EYS: variants seen among roughly 807,000 people sequenced by gnomAD.
EYS encodes protein eyes shut homolog.
EYS carries 250 observed loss-of-function variants against 282.1 expected under a neutral mutation model. That is an observed-to-expected ratio of 0.89 (90% CI 0.80 to 0.98). The LOEUF is 0.98. EYS is among the 50% of genes least tolerant of loss of function. The pLI is 0.00. For synonymous variants in EYS, 1,355 were observed against 1,282.9 expected, an observed-to-expected ratio of 1.06 and a Z score of -1.20; for missense variants, 4,016 against 3,709.0, an observed-to-expected ratio of 1.08 and a Z score of -2.15.
chr6:65,365,743 T>A (rs1381271575), intron 8 of EYS, among the ~76,000 whole-genome samples: 1 of 151,646 alleles, frequency 6.6e-6, no homozygotes, highest in African/African-American at 2.4e-5. Context: ...GAAAGACAAG[T>A]GACTAAAGAT....
rs116513943 is a variant in EYS at position 64,935,874 on chromosome 6, A to G, written c.2381+9919T>C. Reference sequence around the variant, plus strand: ...TTACCAGTGACTTTACCAAATGTTTACAGAATAATGAACACCAATCCTTCT... The same window carrying G: ...TTACCAGTGACTTTACCAAATGTTTGCAGAATAATGAACACCAATCCTTCT... On this transcript the variant is annotated intron_variant, in intron 15 of 42. Coordinates refer to ENST00000503581, the MANE Select transcript of EYS (RefSeq NM_001142800.2). Among the ~76,000 whole-genome samples, 166 of 151,874 alleles carry G rather than the reference A, an allele frequency of 1.1e-3. 1 individual carries two copies. Among genetic ancestry groups the G allele is most frequent in the African/African-American group, 3.8e-3 (156 of 41,548 alleles).
At chr6:64,976,213 T>C (rs1048473247) in intron 14 of EYS, among the ~76,000 whole-genome samples, 1 of 152,020 alleles carries the variant, frequency 6.6e-6, no homozygotes, top group African/African-American at 2.4e-5. Flanking sequence ...TCAAATATAT[T>C]CAACAGCCTC....
intron 19 of EYS, among the ~76,000 whole-genome samples, chr6:64,824,582 A>G (rs1764994462): frequency 6.6e-6 from 1 of 151,946 alleles, no homozygotes; most frequent in Non-Finnish European, 1.5e-5. Flanking sequence ...AAGTCTCCGT[A>G]TCACTATGTA....
intron 11 of EYS, among the ~76,000 whole-genome samples, chr6:65,296,739 G>C (rs962010031): frequency 2.0e-5 from 3 of 151,542 alleles, no homozygotes; most frequent in Admixed American, 2.0e-4. Flanking sequence ...TAATGAATTT[G>C]CAAATTTCGA....
At chr6:65,541,412 T>G (rs954598141) in intron 2 of EYS, among the ~76,000 whole-genome samples, 3 of 152,202 alleles carry the variant, frequency 2.0e-5, no homozygotes, top group African/African-American at 7.2e-5. Context: ...GTTGTATTTT[T>G]TTAGAAGATT....
At chr6:64,418,152 A>G (rs1458513662) in intron 28 of EYS, among the ~76,000 whole-genome samples, 1 of 152,120 alleles carries the variant, frequency 6.6e-6, no homozygotes, top group Non-Finnish European at 1.5e-5. Context: ...TATTATCTCC[A>G]ATCCAGGTCT....
intron 30 of EYS, among the ~76,000 whole-genome samples, chr6:64,237,299 C>A (rs1226123553): frequency 6.6e-6 from 1 of 152,184 alleles, no homozygotes; most frequent in Non-Finnish European, 1.5e-5. Flanking sequence ...ACAGGGCAGA[C>A]CAACTGAGTA....
At chr6:64,183,997 T>C (rs1266472490) in intron 31 of EYS, among the ~76,000 whole-genome samples, 1 of 152,162 alleles carries the variant, frequency 6.6e-6, no homozygotes, top group African/African-American at 2.4e-5. Context: ...CCATCTTAGA[T>C]CAGAGCTTTT....
chr6:63,763,901 T>TATATATATATA (rs1562015039), intron 40 of EYS, among the ~76,000 whole-genome samples: 3 of 143,482 alleles, frequency 2.1e-5, no homozygotes, highest in African/African-American at 7.8e-5. Flanking sequence ...TATATATATA[T>TATATATATATA]TTGATAAACT....
chr6:64,731,047 C>G (rs1272730021), intron 22 of EYS: 2 of 152,038 alleles, frequency 1.3e-5, no homozygotes. Context: ...TTTACATGAA[C>G]AAGATAACTA....
At chr6:64,999,537 G>A (rs1302049180) in intron 13 of EYS, among the ~76,000 whole-genome samples, 2 of 152,142 alleles carry the variant, frequency 1.3e-5, no homozygotes, top group Non-Finnish European at 2.9e-5. Context: ...CGTGAGGACG[G>A]CACTCCTGCC....
chr6:64,729,239 T>C (rs1436161416), intron 22 of EYS, among the ~76,000 whole-genome samples: 1 of 152,204 alleles, frequency 6.6e-6, no homozygotes, highest in Admixed American at 6.5e-5. Context: ...CTGCCTCCTA[T>C]CCTTATCACT....
intron 12 of EYS, among the ~76,000 whole-genome samples, chr6:65,289,188 G>C (rs1204507718): frequency 6.6e-6 from 1 of 150,530 alleles, no homozygotes; most frequent in Non-Finnish European, 1.5e-5. Flanking sequence ...ATACAAATAT[G>C]GATTAAAATA....
At chr6:64,740,760 C>G (rs1440916741) in intron 22 of EYS, among the ~76,000 whole-genome samples, 5 of 147,106 alleles carry the variant, frequency 3.4e-5, no homozygotes, top group Admixed American at 2.8e-4. Flanking sequence ...GTCACCCAGG[C>G]TGGAGTGCAG....
chr6:64,392,902 G>C (rs1399708867), intron 28 of EYS, among the ~76,000 whole-genome samples: 2 of 152,066 alleles, frequency 1.3e-5, no homozygotes, highest in African/African-American at 4.8e-5. Context: ...AAGAAAAAAA[G>C]AGAGAAGAAT....
intron 31 of EYS, among the ~76,000 whole-genome samples, chr6:64,194,748 A>G (rs1765229962): frequency 6.6e-6 from 1 of 152,120 alleles, no homozygotes; most frequent in South Asian, 2.1e-4. Context: ...TTCAAAATAT[A>G]TTGCTTATTA....
intron 12 of EYS, among the ~76,000 whole-genome samples, chr6:65,268,323 G>C (rs142690701): frequency 6.6e-6 from 1 of 151,914 alleles, no homozygotes; most frequent in Non-Finnish European, 1.5e-5. Context: ...TTTGGTTGTA[G>C]ATCATATGAT....
chr6:64,002,791 C>T (rs1367443868), intron 33 of EYS, among the ~76,000 whole-genome samples: 1 of 152,118 alleles, frequency 6.6e-6, no homozygotes, highest in African/African-American at 2.4e-5. Context: ...TCCTGCCTTT[C>T]CCTCCCAAAG....
intron 10 of EYS, among the ~76,000 whole-genome samples, chr6:65,343,687 A>G (rs1309737067): frequency 6.6e-6 from 1 of 151,298 alleles, no homozygotes; most frequent in Non-Finnish European, 1.5e-5. Flanking sequence ...AAACATATCC[A>G]AAAGACAAAT....
Sources: allele counts gnomAD v4.1 joint callset (sites outside exome capture counted in the v4.1 genomes callset), GRCh38; gene constraint gnomAD v4.1.1; transcripts MANE v1.5; gene names NCBI Gene and HGNC (gene_info 2026-07-23, HGNC 2026-07-21).